GRIN2B: variants seen among roughly 807,000 people sequenced by gnomAD.
GRIN2B encodes glutamate ionotropic receptor NMDA type subunit 2B, also known as glutamate receptor ionotropic, NMDA 2B.
GRIN2B carries 5 observed loss-of-function variants against 114.5 expected under a neutral mutation model. That is an observed-to-expected ratio of 0.04 (90% CI 0.02 to 0.09). The LOEUF is 0.09. GRIN2B is among the 10% of genes least tolerant of loss of function. The pLI is 1.00. For synonymous variants in GRIN2B, 787 were observed against 745.1 expected, an observed-to-expected ratio of 1.06 and a Z score of -0.92; for missense variants, 1,108 against 1,943.5, an observed-to-expected ratio of 0.57 and a Z score of 8.08.
chr12:13,882,698 A>G lies in GRIN2B; in HGVS notation c.-18-16472T>C, dbSNP rs148704067. ...TTATTACTAAATGGGCCTGACAAAGACATTATTCATTTATGTATACATCAG... is the reference window on the plus strand; with the variant it reads ...TTATTACTAAATGGGCCTGACAAAGGCATTATTCATTTATGTATACATCAG... On this transcript the variant is annotated intron_variant, in intron 2 of 13. Coordinates refer to ENST00000609686, the MANE Select transcript of GRIN2B (RefSeq NM_000834.5). Among the ~76,000 whole-genome samples the G allele has an allele frequency of 3.1e-4, 47 of 152,310 alleles. No individual in the cohort carries two copies. The East Asian group carries it at 8.9e-3, about 29-fold the overall frequency.
chr12:13,665,919 C>A (rs550401096), intron 5 of GRIN2B, among the ~76,000 whole-genome samples: 1 of 152,252 alleles, frequency 6.6e-6, no homozygotes, highest in Admixed American at 6.5e-5. Context: ...AATTTTACCT[C>A]AAAGGGAATA....
chr12:13,613,126 CG>C (rs1345505376), intron 8 of GRIN2B, among the ~76,000 whole-genome samples: 2 of 152,118 alleles, frequency 1.3e-5, no homozygotes, highest in Non-Finnish European at 2.9e-5. Context: ...GAGATGCGAG[CG>C]TAAGAGGTAC....
intron 3 of GRIN2B, among the ~76,000 whole-genome samples, chr12:13,864,952 A>C (rs1865804054): frequency 6.6e-6 from 1 of 152,214 alleles, no homozygotes; most frequent in Non-Finnish European, 1.5e-5. Flanking sequence ...ATTGCCTTCA[A>C]ATCTAAGCAT....
intron 3 of GRIN2B, among the ~76,000 whole-genome samples, chr12:13,825,423 T>C (rs954572828): frequency 6.7e-6 from 1 of 149,554 alleles, no homozygotes; most frequent in Non-Finnish European, 1.5e-5. Flanking sequence ...TGCAATATTC[T>C]AGAAAGGTCA....
intron 4 of GRIN2B, among the ~76,000 whole-genome samples, chr12:13,731,533 G>A (rs1233117741): frequency 6.6e-6 from 1 of 152,100 alleles, no homozygotes; most frequent in East Asian, 1.9e-4. Context: ...CTCGGGAGGT[G>A]GAGCTTGCAG....
chr12:13,655,005 A>G (rs1591660816), intron 5 of GRIN2B, among the ~76,000 whole-genome samples: 1 of 152,152 alleles, frequency 6.6e-6, no homozygotes, highest in African/African-American at 2.4e-5. Flanking sequence ...GAAGAAATGG[A>G]ATTGAAAAAT....
At chr12:13,569,035 G>C (rs1313076805) in intron 12 of GRIN2B, among the ~76,000 whole-genome samples, 4 of 152,174 alleles carry the variant, frequency 2.6e-5, no homozygotes, top group African/African-American at 4.8e-5. Flanking sequence ...ATAAAGAGCA[G>C]AGACCTTCCA....
At chr12:13,763,329 G>A (rs1397467638) in intron 3 of GRIN2B, among the ~76,000 whole-genome samples, 1 of 152,110 alleles carries the variant, frequency 6.6e-6, no homozygotes, top group African/African-American at 2.4e-5. Context: ...ACCTGGCTGG[G>A]TTCAGACATG....
chr12:13,609,050 C>G (rs1351463342), intron 9 of GRIN2B, among the ~76,000 whole-genome samples: 3 of 152,120 alleles, frequency 2.0e-5, no homozygotes, highest in Non-Finnish European at 2.9e-5. Context: ...AAACCAGAAG[C>G]CCGGAGTGTG....
At chr12:13,923,881 C>G (rs1033873081) in intron 2 of GRIN2B, among the ~76,000 whole-genome samples, 2 of 152,192 alleles carry the variant, frequency 1.3e-5, no homozygotes, top group African/African-American at 4.8e-5. Flanking sequence ...ACACCCTACA[C>G]TGTCTCCATG....
intron 4 of GRIN2B, among the ~76,000 whole-genome samples, chr12:13,750,790 GT>G (rs1400363574): frequency 6.6e-6 from 1 of 152,192 alleles, no homozygotes; most frequent in African/African-American, 2.4e-5. Context: ...GCCATGCACT[GT>G]GCAGGAAATG....
At chr12:13,577,432 GAAAGGTGCTC>G (rs2136422667) in intron 10 of GRIN2B, among the ~76,000 whole-genome samples, 1 of 152,288 alleles carries the variant, frequency 6.6e-6, no homozygotes, top group African/African-American at 2.4e-5. Context: ...CATGCAAGGA[GAAAGGTGCTC>G]AAGGGCCAGG....
intron 4 of GRIN2B, among the ~76,000 whole-genome samples, chr12:13,739,434 T>C (rs1394569152): frequency 4.7e-5 from 7 of 147,744 alleles, no homozygotes; most frequent in Admixed American, 4.0e-4. Flanking sequence ...TAACTTCTGA[T>C]GATCCTAACC....
chr12:13,739,392 A>G (rs1182893792), intron 4 of GRIN2B, among the ~76,000 whole-genome samples: 2 of 141,500 alleles, frequency 1.4e-5, no homozygotes, highest in South Asian at 2.1e-4. Flanking sequence ...AAAAAAAAAA[A>G]AAAAAAAAAA....
intron 4 of GRIN2B, among the ~76,000 whole-genome samples, chr12:13,724,358 G>T (rs1168920493): frequency 6.6e-6 from 1 of 152,136 alleles, no homozygotes; most frequent in Non-Finnish European, 1.5e-5. Flanking sequence ...AGCACATGTA[G>T]GAGTGAACTT....
chr12:13,778,610 T>C (rs547231414), intron 3 of GRIN2B, among the ~76,000 whole-genome samples: 1 of 151,832 alleles, frequency 6.6e-6, no homozygotes, highest in Non-Finnish European at 1.5e-5. Flanking sequence ...GAGTTCCTTA[T>C]CTTAACAACT....
chr12:13,953,850 C>T (rs1181552646), intron 2 of GRIN2B, among the ~76,000 whole-genome samples: 1 of 152,218 alleles, frequency 6.6e-6, no homozygotes, highest in Non-Finnish European at 1.5e-5. Flanking sequence ...CTTCTTATCC[C>T]TTTGTCCCTG....
At chr12:13,867,043 C>T (rs994292295) in intron 2 of GRIN2B, among the ~76,000 whole-genome samples, 2 of 151,476 alleles carry the variant, frequency 1.3e-5, no homozygotes, top group Admixed American at 1.3e-4. Flanking sequence ...CTACGTGGAA[C>T]TGCCTCTCAT....
At chr12:13,577,178 C>T (rs1948787613) in intron 10 of GRIN2B, among the ~76,000 whole-genome samples, 1 of 152,224 alleles carries the variant, frequency 6.6e-6, no homozygotes, top group Non-Finnish European at 1.5e-5. Flanking sequence ...CATAGAGTAT[C>T]TTCCTTTTGT....
Sources: allele counts gnomAD v4.1 joint callset (sites outside exome capture counted in the v4.1 genomes callset), GRCh38; gene constraint gnomAD v4.1.1; transcripts MANE v1.5; gene names NCBI Gene and HGNC (gene_info 2026-07-23, HGNC 2026-07-21).